Variants in SHTN1 observed in about 807,000 individuals in gnomAD.
The protein encoded by SHTN1 is shootin 1.
Under a neutral mutation model 83.1 loss-of-function variants are expected in SHTN1, and 42 were observed. The ratio of observed to expected loss-of-function variants is 0.51; its 90% CI spans 0.39 to 0.65. The LOEUF (loss-of-function observed/expected upper bound fraction) is 0.65. Among genes scored for constraint, SHTN1 ranks in the 30% least tolerant of loss-of-function variants. The pLI is 0.00. For missense variants in SHTN1, 622 were observed against 737.8 expected (o/e 0.84, Z 1.82); for synonymous variants, 224 against 247.7 (o/e 0.90, Z 0.90).
At chr10:117,076,267 C>T (rs1159504896) in intron 1 of SHTN1, among the ~76,000 whole-genome samples, 1 of 151,594 alleles carries the variant, frequency 6.6e-6, no homozygotes, top group Non-Finnish European at 1.5e-5. Context: ...AGAGAAACCA[C>T]TGTTTAATTT....
At chr10:116,891,426 G>A (rs1409505859) in intron 16 of SHTN1, among the ~76,000 whole-genome samples, 1 of 152,172 alleles carries the variant, frequency 6.6e-6, no homozygotes, top group African/African-American at 2.4e-5. Flanking sequence ...AACAAATGAC[G>A]CACAGCCGGA....
chr10:117,111,739 A>C (rs1023720815), intron 1 of SHTN1, among the ~76,000 whole-genome samples: 4 of 152,054 alleles, frequency 2.6e-5, no homozygotes, highest in African/African-American at 9.7e-5. Context: ...CCCTACACTA[A>C]AACTTAGAAC....
At chr10:117,033,697 T>C (rs1852453758) in intron 2 of SHTN1, among the ~76,000 whole-genome samples, 1 of 143,874 alleles carries the variant, frequency 7.0e-6, no homozygotes, top group African/African-American at 2.5e-5. Flanking sequence ...ATTACCCTGA[T>C]ATTGAAACCA....
At chr10:116,939,531 T>TACCC (rs1849289062) in intron 9 of SHTN1, among the ~76,000 whole-genome samples, 3 of 152,166 alleles carry the variant, frequency 2.0e-5, no homozygotes, top group Non-Finnish European at 4.4e-5. Context: ...ATGAGCCGGG[T>TACCC]ACCCAATGCA....
chr10:116,945,676 T>G (rs538791970), intron 7 of SHTN1, among the ~76,000 whole-genome samples: 1 of 152,178 alleles, frequency 6.6e-6, no homozygotes, highest in Non-Finnish European at 1.5e-5. Flanking sequence ...CATGGTTTTA[T>G]TAAATTTGGT....
intron 3 of SHTN1, 144 bp downstream of exon 3, chr10:116,968,508 G>C (rs1433971188): frequency 7.1e-6 from 4 of 566,670 alleles, no homozygotes; most frequent in African/African-American, 5.6e-5. Context: ...AGTGATGCCT[G>C]GGCATGTTTG....
chr10:117,119,771 A>C (rs576324231), intron 1 of SHTN1, among the ~76,000 whole-genome samples: 6 of 152,312 alleles, frequency 3.9e-5, no homozygotes, highest in African/African-American at 1.2e-4. Context: ...ATTTGGAAGC[A>C]ACCTAAGCGT....
rs535360251 is a variant in SHTN1 at position 117,108,167 on chromosome 10, A to C, written c.-189+18140T>G. Among the ~76,000 whole-genome samples the C allele has an allele frequency of 5.3e-5, 8 of 152,270 alleles. No homozygotes were observed. In the East Asian group the frequency reaches 1.5e-3, roughly 29 times the overall value. On this transcript the variant is annotated intron_variant, in intron 1 of 17. Coordinates refer to the SHTN1 transcript ENST00000392901. ...TTTGAAAGTGCCGAGTTGAAAAAGG[A>C]CATATTAACTACCATTTAACCCAGC... is the stretch of plus-strand genomic sequence containing the variant.
intron 12 of SHTN1, among the ~76,000 whole-genome samples, chr10:116,917,221 A>G (rs1329687278): frequency 6.6e-6 from 1 of 152,182 alleles, no homozygotes; most frequent in East Asian, 1.9e-4. Context: ...GCTTTTGCTG[A>G]CCCTACTCAA....
chr10:117,100,142 A>C (rs536099368), intron 1 of SHTN1, among the ~76,000 whole-genome samples: 1 of 152,286 alleles, frequency 6.6e-6, no homozygotes, highest in South Asian at 2.1e-4. Context: ...GCGCCATTGC[A>C]CTCCAGCCTG....
intron 3 of SHTN1, among the ~76,000 whole-genome samples, chr10:116,965,889 T>C (rs769831222): frequency 6.6e-6 from 1 of 152,216 alleles, no homozygotes; most frequent in East Asian, 1.9e-4. Flanking sequence ...GTGATAAAAA[T>C]ACTGCCTATT....
intron 7 of SHTN1, among the ~76,000 whole-genome samples, chr10:116,948,204 C>G (rs1332787053): frequency 6.6e-6 from 1 of 152,228 alleles, no homozygotes; most frequent in Non-Finnish European, 1.5e-5. Flanking sequence ...CCGATGAGAG[C>G]TGATGCTGTG....
intron 8 of SHTN1, among the ~76,000 whole-genome samples, chr10:116,942,316 G>C (rs570072447): frequency 1.1e-4 from 16 of 151,956 alleles, no homozygotes; most frequent in Non-Finnish European, 2.2e-4. Context: ...AGGTTCAAGT[G>C]ATTCTCGTGC....
upstream of SHTN1, chr10:117,005,406 G>C (rs1018350258): frequency 8.6e-7 from 1 of 1,165,666 alleles, no homozygotes; most frequent in African/African-American, 1.7e-5. Flanking sequence ...GGGAGGGGGG[G>C]CGGCCCTGCG....
intron 1 of SHTN1, among the ~76,000 whole-genome samples, chr10:117,111,482 C>T (rs186887665): frequency 3.9e-4 from 59 of 151,858 alleles, no homozygotes; most frequent in Admixed American, 2.4e-3. Context: ...TTAGTAGAGA[C>T]GGGGTTTCAC....
intron 2 of SHTN1, among the ~76,000 whole-genome samples, chr10:117,043,373 C>T (rs1465431625): frequency 1.3e-5 from 2 of 151,950 alleles, no homozygotes; most frequent in African/African-American, 4.8e-5. Flanking sequence ...TTAATGGGTA[C>T]AGATATGTTA....
intron 9 of SHTN1, among the ~76,000 whole-genome samples, chr10:116,940,253 A>T (rs184715693): frequency 6.6e-5 from 10 of 152,342 alleles, no homozygotes; most frequent in African/African-American, 2.2e-4. Flanking sequence ...ATTATTATAA[A>T]GTCTATAATA....
intron 1 of SHTN1, among the ~76,000 whole-genome samples, chr10:117,092,664 A>G (rs1397035182): frequency 1.3e-5 from 2 of 152,198 alleles, no homozygotes; most frequent in Non-Finnish European, 2.9e-5. Context: ...GAAAAGCTGC[A>G]TGCAGATAGT....
At position 117,053,024 on chromosome 10, in the gene SHTN1, A is replaced by AAAAAAAAAAAAAAAAAAAAAAAAG. The variant is rs1554934278; in HGVS notation, c.-188-4515_-188-4514insCTTTTTTTTTTTTTTTTTTTTTTT. ...AACAGAGCAAGACTGTGTCTCAAAA[A>AAAAAAAAAAAAAAAAAAAAAAAAG]AAAAAAGAATTAAGAATTAAGTTGG... On this transcript the variant is annotated intron_variant, in intron 1 of 17. Transcript: ENST00000392901. Among the ~76,000 whole-genome samples, 5 of 51,366 alleles carry AAAAAAAAAAAAAAAAAAAAAAAAG rather than the reference A, an allele frequency of 9.7e-5. 1 individual carries two copies. Among genetic ancestry groups the AAAAAAAAAAAAAAAAAAAAAAAAG allele is most frequent in the Non-Finnish European group, 1.7e-4 (3 of 17,614 alleles). The allele number at this position is 51,366 out of a possible 152,430, so 33.7% of individuals were successfully genotyped here.
Sources: allele counts gnomAD v4.1 joint callset (sites outside exome capture counted in the v4.1 genomes callset), GRCh38; gene constraint gnomAD v4.1.1; transcripts MANE v1.5; gene names NCBI Gene and HGNC (gene_info 2026-07-23, HGNC 2026-07-21).